The following ZP3 variants were observed in gnomAD, a reference collection of about 807,000 sequenced individuals.
ZP3 encodes zona pellucida glycoprotein 3.
Under a neutral mutation model 35.6 loss-of-function variants are expected in ZP3, and 21 were observed. That is an observed-to-expected ratio of 0.59 (90% CI 0.42 to 0.85). ZP3 has a LOEUF of 0.85. ZP3 is among the 40% of genes least tolerant of loss of function. The pLI is 0.00. For synonymous variants in ZP3, 207 were observed against 214.5 expected (o/e 0.96, Z 0.31); for missense variants, 437 against 536.5 (o/e 0.81, Z 1.83).
chr7:76,401,195 T>C (rs1804816421), intron 1 of ZP3: 1 of 1,163,952 alleles, frequency 8.6e-7, no homozygotes, highest in African/African-American at 1.6e-5. Flanking sequence ...CATTGTCTCT[T>C]TCTCTGACTG....
At chr7:76,397,738 G>A in exon 1 of ZP3, 3 of 1,613,276 alleles carry the variant, frequency 1.9e-6, no homozygotes, top group South Asian at 1.1e-5. Context: ...GCCCCCAGTC[G>A]TCGTCACACA....
chr7:76,413,152 G>A (rs547933532), intron 1 of ZP3, among the ~76,000 whole-genome samples: 4 of 150,468 alleles, frequency 2.7e-5, no homozygotes, highest in African/African-American at 7.3e-5. Context: ...TAGTAGAGAC[G>A]GGGTTTCATC....
Position 76,425,140 on chromosome 7 carries a change from T to C in ZP3, c.176T>C (p.Leu59Pro). Residue 59 changes from leucine to proline, a missense_variant, in exon 1 of 8, where the codon CTT becomes CCT. Leu to Pro is a moderately conservative substitution (Grantham distance 98). Transcript: ENST00000394857. ...CTGATGGTCATGGTCAGCAAAGACCTTTTTGGCACCGGGAAGCTCATCAGG... is the reference window on the plus strand; with the variant it reads ...CTGATGGTCATGGTCAGCAAAGACCCTTTTGGCACCGGGAAGCTCATCAGG... ...ATLMVMVSKD[L>P]FGTGKLIRAA... 6.2e-7 allele frequency: 1 copy of C among 1,613,768 alleles called. No individual in the cohort carries two copies. Among genetic ancestry groups the C allele is most frequent in the South Asian group, 1.1e-5 (1 of 91,070 alleles).
chr7:76,405,348 T>TC (rs1471163670), intron 1 of ZP3, among the ~76,000 whole-genome samples: 30 of 112,414 alleles, frequency 2.7e-4, no homozygotes, highest in South Asian at 6.3e-4. Flanking sequence ...TCTTTTTTTT[T>TC]TTTTTTTTTT....
At chr7:76,418,138 C>T (rs1370185154) in intron 1 of ZP3, among the ~76,000 whole-genome samples, 1 of 151,926 alleles carries the variant, frequency 6.6e-6, no homozygotes, top group African/African-American at 2.4e-5. Flanking sequence ...CAGGATTTCG[C>T]CATGTTGCCC....
chr7:76,436,030 C>CTTTTTTTTTTT lies in ZP3; in HGVS notation c.831+1910_831+1920dup, dbSNP rs60553917. Among the ~76,000 whole-genome samples, 10 of 74,358 alleles carry CTTTTTTTTTTT rather than the reference C, an allele frequency of 1.3e-4. 1 individual carries two copies. The highest frequency in any genetic ancestry group is 1.1e-3 in the East Asian group (2 of 1,816). 48.8% of individuals were successfully genotyped at this position (74,358 alleles called of 152,430 possible). On this transcript the variant is annotated intron_variant, in intron 5 of 7. Transcript: ENST00000394857. ...TGAACCACCACGCGCCCCCCGCCCCCTTTTTTTTTTTTTTTTTTTTTTTTT... is the reference window on the plus strand; with the variant it reads ...TGAACCACCACGCGCCCCCCGCCCCCTTTTTTTTTTTTTTTTTTTTTTTTTTTTTTTTTTTT...
chr7:76,407,210 C>T (rs1805063965), intron 1 of ZP3, among the ~76,000 whole-genome samples: 3 of 152,226 alleles, frequency 2.0e-5, no homozygotes, highest in Admixed American at 6.5e-5. Context: ...ATACACCCGC[C>T]TCGGTCTCCC....
rs1019167701 is a variant in ZP3, at chr7:76,417,437, A to G, written c.-66-7615A>G. Among the ~76,000 whole-genome samples, 7 of 152,152 alleles carry G rather than the reference A, an allele frequency of 4.6e-5. No homozygotes were observed. The East Asian group carries it at 5.8e-4, about 13-fold the overall frequency. ...TCAGCCCACTGAGGTCCTTCCAGCT[A>G]AAGTCTGGAAACAGAATTAATGAAT... On this transcript the variant is annotated intron_variant, in intron 1 of 8. Transcript: ENST00000336517.
intron 2 of ZP3, 80 bp from the exon 3 acceptor site, chr7:76,432,847 C>A (rs1584065533): frequency 5.9e-6 from 7 of 1,188,920 alleles, no homozygotes; most frequent in Non-Finnish European, 8.6e-6. Context: ...AGTGGGGTAG[C>A]AGTGAGATAC....
intron 2 of ZP3, 133 bp downstream of exon 2, chr7:76,429,766 G>A: frequency 3.8e-6 from 3 of 787,146 alleles, no homozygotes; most frequent in East Asian, 2.5e-5. Flanking sequence ...TGCAGCTGTG[G>A]TTACTGTACT....
chr7:76,438,655 G>A (rs1389962218), intron 5 of ZP3, among the ~76,000 whole-genome samples: 3 of 146,638 alleles, frequency 2.0e-5, no homozygotes, highest in Non-Finnish European at 3.0e-5. Context: ...TCATTCCCTC[G>A]TACTTGTCTA....
chr7:76,429,470 G>C, intron 1 of ZP3, 45 bp from the exon 2 acceptor site: 1 of 1,590,068 alleles, frequency 6.3e-7, no homozygotes, highest in Non-Finnish European at 8.6e-7. Flanking sequence ...GGGAGTACCC[G>C]GGCAGGTGAT....
At chr7:76,400,063 A>C (rs1264167351) in intron 1 of ZP3, among the ~76,000 whole-genome samples, 2 of 152,214 alleles carry the variant, frequency 1.3e-5, no homozygotes, top group African/African-American at 4.8e-5. Flanking sequence ...ACATAGAAGC[A>C]GTAGTGCTGG....
At chr7:76,440,672 T>G in intron 7 of ZP3, 61 bp downstream of exon 7, 2 of 1,551,508 alleles carry the variant, frequency 1.3e-6, no homozygotes, top group Non-Finnish European at 1.7e-6. Flanking sequence ...GGGTACCTGC[T>G]GTCATTTCAG....
In ZP3 at chr7:76,412,356, A is replaced by G. The variant is rs147611264; in HGVS notation, c.-66-12696A>G. Among the ~76,000 whole-genome samples the G allele has an allele frequency of 3.2e-3, 483 of 152,282 alleles. 4 individuals carry two copies. Among genetic ancestry groups the G allele is most frequent in the African/African-American group, 0.011 (450 of 41,562 alleles). On this transcript the variant is annotated intron_variant, in intron 1 of 8. Transcript: ENST00000336517. ...CATCTTCAAAATGATGAAATTGCAC[A>G]GGTGAAAAACAGATTAGTAATGTTT... is the stretch of plus-strand genomic sequence containing the variant.
At chr7:76,436,828 AG>A (rs1806029595) in intron 5 of ZP3, among the ~76,000 whole-genome samples, 1 of 152,362 alleles carries the variant, frequency 6.6e-6, no homozygotes, top group South Asian at 2.1e-4. Flanking sequence ...GTTTTCACAG[AG>A]GTGGTAGCGG....
chr7:76,426,907 C>CACACACACACACACACACACA (rs57796274), intron 1 of ZP3, among the ~76,000 whole-genome samples: 28 of 126,858 alleles, frequency 2.2e-4, no homozygotes, highest in Non-Finnish European at 3.6e-4. Context: ...CACACACACA[C>CACACACACACACACACACACA]AATAGGGTGT....
At position 76,432,983 on chromosome 7, in the gene ZP3, C is replaced by T. The variant is rs761504196; in HGVS notation, c.488C>T (p.Thr163Met). The T allele has an allele frequency of 1.5e-5, 24 of 1,613,972 alleles. No individual in the cohort carries two copies. The highest frequency in any genetic ancestry group is 1.3e-4 in the South Asian group (12 of 91,066). ...ILPTWLPFRT[T>M]VFSEEKLTFS... is the part of the protein sequence containing the mutation. Reference sequence around the variant, plus strand: ...CCCACCTGGTTGCCCTTCAGGACCACGGTGTTCTCAGAGGAGAAGCTGACT... The same window carrying T: ...CCCACCTGGTTGCCCTTCAGGACCATGGTGTTCTCAGAGGAGAAGCTGACT... The change falls in exon 3 of 8, where the codon ACG (threonine) becomes ATG (methionine). Residue 163 changes from threonine to methionine, a missense_variant. Thr to Met is a moderately conservative substitution (Grantham distance 81, BLOSUM62 -1). Around this residue, in one of 6 missense-constraint regions of ZP3, gnomAD observed 352 missense variants for 308.4 expected, o/e 1.14. Transcript: ENST00000394857.
intron 2 of ZP3, among the ~76,000 whole-genome samples, chr7:76,430,910 C>T (rs557399609): frequency 6.6e-5 from 10 of 152,244 alleles, no homozygotes; most frequent in South Asian, 4.1e-4. Flanking sequence ...ACACACCCAA[C>T]GGGAGGGTAG....
Sources: gnomAD v4.1 joint callset for allele counts (sites outside exome capture counted in the v4.1 genomes callset) on GRCh38, gnomAD v4.1.1 for gene constraint, gnomAD v4.1.1 regional missense constraint, MANE v1.5 for transcripts, NCBI Gene and HGNC (gene_info 2026-07-23, HGNC 2026-07-21) for gene names.